ZXDC: variants seen among roughly 807,000 people sequenced by gnomAD.
ZXDC encodes the protein ZXD family zinc finger C.
ZXDC carries 58 observed loss-of-function variants against 63.6 expected under a neutral mutation model. The ratio of observed to expected loss-of-function variants is 0.91; its 90% CI spans 0.74 to 1.13. The LOEUF is 1.13. ZXDC is among the 50% of genes most tolerant of loss of function. ZXDC has a pLI of 0.00. For synonymous variants in ZXDC, 561 were observed against 496.1 expected, an observed-to-expected ratio of 1.13 and a Z score of -1.74; for missense variants, 1,133 against 1,148.9, an observed-to-expected ratio of 0.99 and a Z score of 0.20.
chr3:126,439,586 C>T, intron 9 of ZXDC, 46 bp downstream of exon 9: 1 of 1,551,144 alleles, frequency 6.4e-7, no homozygotes, highest in Non-Finnish European at 8.7e-7. Context: ...GTCGAAGGCT[C>T]TGCGAGTCTC....
intron 8 of ZXDC, chr3:126,440,192 G>C: frequency 1.0e-6 from 1 of 999,304 alleles, no homozygotes; most frequent in Non-Finnish European, 1.2e-6. Context: ...GGGCTCCTGA[G>C]AGGGGAGGCT....
At position 126,439,639 on chromosome 3, in the gene ZXDC, A is replaced by AC; in HGVS notation, c.2482dup (p.Val828GlyfsTer51). The AC allele has an allele frequency of 6.4e-7, 1 of 1,553,226 alleles. No individual in the cohort carries two copies. The highest frequency in any genetic ancestry group is 8.7e-7 in the Non-Finnish European group (1 of 1,147,692). Reference sequence around the variant, plus strand: ...GCAGTAAGGCATCCAGACCTGGAGGACGTAGACGGGCAGGTCCACAGTGAG... The same window carrying AC: ...GCAGTAAGGCATCCAGACCTGGAGGACCGTAGACGGGCAGGTCCACAGTGAG... On this transcript the variant is annotated frameshift_variant, in exon 9 of 10. Transcript: ENST00000389709. LOFTEE classifies it low-confidence loss of function (END_TRUNC).
At chr3:126,455,034 G>A (rs1487601363) in intron 7 of ZXDC, 2 of 985,288 alleles carry the variant, frequency 2.0e-6, no homozygotes, top group Non-Finnish European at 2.4e-6. Flanking sequence ...AGTCTTGACT[G>A]TTTCTAAATG....
intron 6 of ZXDC, chr3:126,460,247 G>T: frequency 1.4e-6 from 1 of 703,804 alleles, no homozygotes; most frequent in Non-Finnish European, 1.7e-6. Flanking sequence ...TCAGGAACTT[G>T]CCTGAGGGAG....
rs537244174 is a variant in ZXDC at position 126,438,295 on chromosome 3, C to A, written c.*80G>T. ...CTTCTGAACGGAAACCAAATGAGGT[C>A]TCCCCAGGCTCATGTCATGAGTCTC... On this transcript the variant is annotated 3_prime_UTR_variant, in exon 10 of 10. Transcript: ENST00000389709. The A allele has an allele frequency of 4.9e-6, 6 of 1,229,054 alleles. No individual in the cohort carries two copies. In the African/African-American group the frequency reaches 7.5e-5, roughly 15 times the overall value. 76.1% of individuals were successfully genotyped at this position (1,229,054 alleles called of 1,614,324 possible).
At chr3:126,451,855 A>G in intron 7 of ZXDC, 1 of 985,154 alleles carries the variant, frequency 1.0e-6, no homozygotes, top group Non-Finnish European at 1.2e-6. Flanking sequence ...GCACCCGTGC[A>G]GGAAGGGTTG....
At chr3:126,474,310 C>G (rs1935097182) in intron 1 of ZXDC, among the ~76,000 whole-genome samples, 1 of 152,118 alleles carries the variant, frequency 6.6e-6, no homozygotes, top group Non-Finnish European at 1.5e-5. Context: ...GTAATCCGCC[C>G]GCCTCGGCCT....
At chr3:126,452,312 T>A (rs776609736) in intron 7 of ZXDC, 9 of 985,480 alleles carry the variant, frequency 9.1e-6, no homozygotes, top group Non-Finnish European at 1.1e-5. Context: ...CTTGGACTTC[T>A]GCATGAAATC....
intron 7 of ZXDC, among the ~76,000 whole-genome samples, chr3:126,447,465 G>A (rs1933924213): frequency 6.6e-6 from 1 of 152,090 alleles, no homozygotes; most frequent in Admixed American, 6.5e-5. Context: ...TGATTCCCCT[G>A]GGTTTTCTAA....
At chr3:126,442,072 G>A (rs1194567338) in intron 7 of ZXDC, 126 bp from the exon 8 acceptor site, 19 of 1,121,770 alleles carry the variant, frequency 1.7e-5, no homozygotes, top group East Asian at 1.5e-4. Context: ...GCTAAGAGAC[G>A]TAAAATCACT....
chr3:126,459,142 A>C lies in ZXDC; in HGVS notation c.2212+511T>G, dbSNP rs59285370. ...AGGAAGGACAGATGCTTGAGGCCATAGGTTACCAGCTCTTGTTTGGTCTTT... is the reference window on the plus strand; with the variant it reads ...AGGAAGGACAGATGCTTGAGGCCATCGGTTACCAGCTCTTGTTTGGTCTTT... On this transcript the variant is annotated intron_variant, in intron 7 of 9. Coordinates refer to ENST00000389709, the MANE Select transcript of ZXDC (RefSeq NM_025112.5). 1.2e-3 allele frequency: 1,160 copies of C among 985,492 alleles called. 11 individuals are homozygous for C. In the African/African-American group the frequency reaches 0.019, roughly 16 times the overall value. The allele number at this position is 985,492 out of a possible 1,614,324, so 61.0% of individuals were successfully genotyped here.
At chr3:126,472,381 C>T in intron 1 of ZXDC, 76 bp from the exon 2 acceptor site, 1 of 1,541,668 alleles carries the variant, frequency 6.5e-7, no homozygotes, top group Non-Finnish European at 8.9e-7. Flanking sequence ...GTCACACCCA[C>T]CAGACCCTGT....
At chr3:126,455,068 T>C in intron 7 of ZXDC, 3 of 985,438 alleles carry the variant, frequency 3.0e-6, no homozygotes, top group African/African-American at 1.7e-5. Context: ...AACAGTCCTG[T>C]TACACTGCAA....
rs768728889 is a variant in ZXDC at position 126,475,226 on chromosome 3, C to A, written c.640G>T (p.Gly214Cys). The A allele has an allele frequency of 1.3e-6, 2 of 1,570,628 alleles. No homozygotes were observed. The highest frequency in any genetic ancestry group is 2.4e-5 in the East Asian group (1 of 42,216). ...GACGTTGTGAAGGCCCAACCACAGC[C>A]CTCCAGTGGGCACTTGAAGGGCCGC... ...GRRPFKCPLE[G>C]CGWAFTTSYK... is the part of the protein sequence containing the mutation. Residue 214 changes from glycine to cysteine, a missense_variant, in exon 1 of 10, where the codon GGC becomes TGC. By Grantham distance (159) the Gly-to-Cys change is radical (BLOSUM62 -3). Coordinates refer to ENST00000389709, the MANE Select transcript of ZXDC (RefSeq NM_025112.5).
intron 3 of ZXDC, 150 bp from the exon 4 acceptor site, chr3:126,471,175 G>A (rs1398942908): frequency 4.1e-6 from 5 of 1,215,836 alleles, no homozygotes; most frequent in Non-Finnish European, 5.6e-6. Flanking sequence ...TTTAATCCAT[G>A]TGAGCAGATT....
intron 7 of ZXDC, among the ~76,000 whole-genome samples, chr3:126,455,974 G>A (rs993636410): frequency 1.3e-5 from 2 of 151,838 alleles, no homozygotes; most frequent in East Asian, 1.9e-4. Flanking sequence ...CTCTCCAGCC[G>A]GGGCGACAGA....
intron 8 of ZXDC, chr3:126,440,159 TG>T: frequency 9.9e-7 from 1 of 1,008,432 alleles, no homozygotes; most frequent in Non-Finnish European, 1.2e-6. Flanking sequence ...ACGGGCCAGC[TG>T]GAAGGACCAG....
intron 7 of ZXDC, chr3:126,459,239 C>G: frequency 2.0e-6 from 2 of 985,412 alleles, no homozygotes; most frequent in African/African-American, 1.7e-5. Context: ...ACAGGACACA[C>G]AGTTTGGCTC....
intron 5 of ZXDC, 102 bp downstream of exon 5, chr3:126,466,053 C>A (rs1934744531): frequency 2.1e-6 from 3 of 1,399,856 alleles, no homozygotes; most frequent in Admixed American, 4.5e-5. Flanking sequence ...AACCCCACTG[C>A]CTGACGCCTT....
Sources: gnomAD v4.1 joint callset for allele counts (sites outside exome capture counted in the v4.1 genomes callset) on GRCh38, gnomAD v4.1.1 for gene constraint, MANE v1.5 for transcripts, NCBI Gene and HGNC (gene_info 2026-07-23, HGNC 2026-07-21) for gene names.